The following SAMD5 variants were observed in gnomAD, a reference collection of about 807,000 sequenced individuals.
The protein encoded by SAMD5 is sterile alpha motif domain containing 5, also known as sterile alpha motif domain-containing protein 5.
Under a neutral mutation model 11.3 loss-of-function variants are expected in SAMD5, and 13 were observed. That is an observed-to-expected ratio of 1.15 (90% confidence interval 0.75 to 1.83). SAMD5 has a LOEUF of 1.83. Among genes scored for constraint, SAMD5 ranks in the 40% most tolerant of loss-of-function variants. The probability of loss-of-function intolerance (pLI) is 0.00; values close to 1 mark genes in which losing one functional copy is unlikely to be tolerated. For missense variants in SAMD5, 255 were observed against 239.1 expected (o/e 1.07, Z -0.44); for synonymous variants, 129 against 111.3 (o/e 1.16, Z -1.00).
chr6:147,816,301 A>AATATAT, the SAMD5 span, among the ~76,000 whole-genome samples: 39 of 66,304 alleles, frequency 5.9e-4, no homozygotes, highest in African/African-American at 1.7e-3. Context: ...AAAAAAAAAA[A>AATATAT]ATATATATAT....
At chr6:147,854,156 A>G in the SAMD5 span, among the ~76,000 whole-genome samples, 1 of 152,162 alleles carries the variant, frequency 6.6e-6, no homozygotes, top group African/African-American at 2.4e-5. Context: ...GACATTTGAG[A>G]GAGAACCAAA....
At chr6:147,824,139 T>C in the SAMD5 span, among the ~76,000 whole-genome samples, 2 of 152,200 alleles carry the variant, frequency 1.3e-5, no homozygotes, top group Non-Finnish European at 2.9e-5. Context: ...CTTGGAAGTC[T>C]TTAGCAACTC....
chr6:147,733,658 C>A, intron 1 of SAMD5: 1 of 205,944 alleles, frequency 4.9e-6, no homozygotes, highest in Non-Finnish European at 8.5e-6. Context: ...ACTTTATTCT[C>A]TCCTCCCTTA....
the SAMD5 span, among the ~76,000 whole-genome samples, chr6:147,880,614 G>A: frequency 2.6e-5 from 4 of 152,142 alleles, no homozygotes; most frequent in African/African-American, 4.8e-5. Context: ...TGGTCTGGAC[G>A]TTTTCTCGGA....
the SAMD5 span, among the ~76,000 whole-genome samples, chr6:147,791,381 T>A: frequency 2.0e-4 from 30 of 152,252 alleles, no homozygotes; most frequent in African/African-American, 7.0e-4. Context: ...TTTTGATAGA[T>A]CTCATCAAAA....
At chr6:147,666,078 A>G (rs1405140175) in intron 1 of SAMD5, among the ~76,000 whole-genome samples, 5 of 152,176 alleles carry the variant, frequency 3.3e-5, no homozygotes, top group South Asian at 2.1e-4. Flanking sequence ...AGCTGGGACT[A>G]CAGGCGCCCG....
chr6:147,738,450 AG>A (rs1791836400), downstream of SAMD5, among the ~76,000 whole-genome samples: 1 of 152,216 alleles, frequency 6.6e-6, no homozygotes, highest in Admixed American at 6.5e-5. Context: ...CTGGTGTGAA[AG>A]GGAGAAATTA....
intron 1 of SAMD5, among the ~76,000 whole-genome samples, chr6:147,601,159 A>G (rs1291059440): frequency 1.3e-5 from 2 of 152,226 alleles, no homozygotes; most frequent in African/African-American, 2.4e-5. Context: ...CCAGTGGAGC[A>G]TGTTTGAGAT....
At chr6:147,899,432 G>A in the SAMD5 span, among the ~76,000 whole-genome samples, 1 of 152,104 alleles carries the variant, frequency 6.6e-6, no homozygotes, top group African/African-American at 2.4e-5. Context: ...CCTACAGAAT[G>A]TTTTTAGATT....
At chr6:147,838,531 GC>G in the SAMD5 span, among the ~76,000 whole-genome samples, 1,749 of 127,702 alleles carry the variant, frequency 0.014, 34 homozygotes, top group South Asian at 0.022. Context: ...AGAATATCCT[GC>G]CCCCCCCCCG....
At chr6:147,788,944 C>T in the SAMD5 span, among the ~76,000 whole-genome samples, 5 of 151,816 alleles carry the variant, frequency 3.3e-5, no homozygotes, top group Admixed American at 6.6e-5. Flanking sequence ...ATTAGCCGGG[C>T]GTAGTGGCAG....
chr6:147,814,988 A>C, the SAMD5 span, among the ~76,000 whole-genome samples: 1 of 152,170 alleles, frequency 6.6e-6, no homozygotes, highest in East Asian at 1.9e-4. Flanking sequence ...GAGAGGCTCT[A>C]GGACAGGGGC....
chr6:147,742,396 A>G (rs185564164), downstream of SAMD5, among the ~76,000 whole-genome samples: 63 of 152,340 alleles, frequency 4.1e-4, no homozygotes, highest in East Asian at 8.5e-3. Flanking sequence ...GAAATAACCA[A>G]TAATAATCTT....
chr6:147,816,060 C>T, the SAMD5 span, among the ~76,000 whole-genome samples: 3 of 151,562 alleles, frequency 2.0e-5, no homozygotes, highest in African/African-American at 7.3e-5. Flanking sequence ...GGGCAGATCA[C>T]CTGAGGTCAG....
intron 1 of SAMD5, among the ~76,000 whole-genome samples, chr6:147,654,837 A>T (rs1378131151): frequency 6.6e-6 from 1 of 151,950 alleles, no homozygotes. Flanking sequence ...CCCAACAATT[A>T]GAATTTTGCT....
chr6:147,541,685 T>C (rs186418361), intron 1 of SAMD5, among the ~76,000 whole-genome samples: 118 of 152,268 alleles, frequency 7.7e-4, no homozygotes, highest in Middle Eastern at 3.4e-3. Flanking sequence ...CTTCCACATA[T>C]ACAAACACAC....
the SAMD5 span, among the ~76,000 whole-genome samples, chr6:147,756,809 G>T: frequency 2.6e-5 from 4 of 152,282 alleles, no homozygotes; most frequent in East Asian, 7.7e-4. Context: ...TTTTATGAAT[G>T]AATCTCAGAG....
chr6:147,935,078 T>C, the SAMD5 span, among the ~76,000 whole-genome samples: 1 of 152,184 alleles, frequency 6.6e-6, no homozygotes, highest in African/African-American at 2.4e-5. Context: ...TAACGTGCAA[T>C]GTGATTTAGC....
the SAMD5 span, among the ~76,000 whole-genome samples, chr6:147,954,641 T>TC: frequency 8.4e-4 from 113 of 135,212 alleles, no homozygotes; most frequent in Non-Finnish European, 1.5e-3. Flanking sequence ...ATTTTTAACC[T>TC]CTTTTTTTTT....
Sources: allele counts gnomAD v4.1 joint callset (sites outside exome capture counted in the v4.1 genomes callset), GRCh38; gene constraint gnomAD v4.1.1; transcripts MANE v1.5; gene names NCBI Gene and HGNC (gene_info 2026-07-23, HGNC 2026-07-21).